The following WDR75 variants were observed in gnomAD, a reference collection of about 807,000 sequenced individuals.
The protein encoded by WDR75 is WD repeat-containing protein 75.
In WDR75, 52 loss-of-function variants were observed where a neutral mutation model predicts 106.1. That is an observed-to-expected ratio of 0.49 (90% CI 0.39 to 0.62). WDR75 has a LOEUF of 0.62. WDR75 is among the 20% of genes least tolerant of loss of function. The pLI is 0.00. For synonymous variants in WDR75, 333 were observed against 335.5 expected (o/e 0.99, Z 0.08); for missense variants, 905 against 970.3 (o/e 0.93, Z 0.89).
chr2:189,469,222 AGT>A, intron 15 of WDR75, 120 bp from the exon 16 acceptor site: 1 of 743,826 alleles, frequency 1.3e-6, no homozygotes, highest in Middle Eastern at 2.9e-4. Context: ...AAATCATTTC[AGT>A]GTGTCTCCAT....
At position 189,441,596 on chromosome 2, in the gene WDR75, C is replaced by T. The variant is rs1397735126; in HGVS notation, c.86+18C>T. 3 of 1,552,256 alleles carry T rather than the reference C, an allele frequency of 1.9e-6. No homozygotes were observed. The highest frequency in any genetic ancestry group is 2.6e-6 in the Non-Finnish European group (3 of 1,146,764). ...GATTCTAAGTATGAGGGGCACCGCGCTTTGTCGGCTGAGGGGCGGGGCGTG... is the reference window on the plus strand; with the variant it reads ...GATTCTAAGTATGAGGGGCACCGCGTTTTGTCGGCTGAGGGGCGGGGCGTG... On this transcript the variant is annotated intron_variant, in intron 1 of 20. Coordinates refer to ENST00000314761, the MANE Select transcript of WDR75 (RefSeq NM_032168.3).
At chr2:189,466,323 G>A (rs1311220979) in intron 12 of WDR75, 102 bp from the exon 13 acceptor site, 3 of 1,290,098 alleles carry the variant, frequency 2.3e-6, no homozygotes, top group South Asian at 1.3e-5. Context: ...TCAGTTGCCT[G>A]TTGTTCAAGA....
intron 18 of WDR75, among the ~76,000 whole-genome samples, chr2:189,471,546 T>C (rs1018445690): frequency 1.3e-5 from 2 of 152,238 alleles, no homozygotes; most frequent in East Asian, 1.9e-4. Context: ...CTTAGTTTTC[T>C]ATTCTCATGT....
chr2:189,457,218 G>A, intron 5 of WDR75, 93 bp from the exon 6 acceptor site: 2 of 830,746 alleles, frequency 2.4e-6, no homozygotes, highest in Admixed American at 2.6e-5. Flanking sequence ...TCCAGCCTGG[G>A]GGACAAGAGC....
At chr2:189,471,832 A>G (rs1036137862) in intron 18 of WDR75, among the ~76,000 whole-genome samples, 5 of 152,176 alleles carry the variant, frequency 3.3e-5, no homozygotes, top group African/African-American at 1.2e-4. Flanking sequence ...CTTTTAGTGC[A>G]TTGGAGGTCA....
At chr2:189,462,444 CA>C (rs1686909762) in intron 8 of WDR75, 39 bp from the exon 9 acceptor site, 2 of 1,587,366 alleles carry the variant, frequency 1.3e-6, no homozygotes, top group Non-Finnish European at 1.7e-6. Flanking sequence ...CTTTTTTCCT[CA>C]AAACACCATC....
chr2:189,458,838 G>T lies in WDR75; in HGVS notation c.655G>T (p.Ala219Ser), dbSNP rs776064216. The T allele has an allele frequency of 3.1e-6, 5 of 1,606,132 alleles. No individual in the cohort carries two copies. The African/African-American group carries it at 5.4e-5, about 17-fold the overall frequency. ...ATGTCACCCAACGGAAGACTGCATC[G>T]CATCTGGTCACATGGATGGCAAAAT... ...VACHPTEDCI[A>S]SGHMDGKIRL... Residue 219 changes from alanine (A) to serine (S), a missense_variant, in exon 7 of 21, where the codon GCA becomes TCA. Physicochemically the swap from Ala to Ser is moderately conservative, Grantham distance 99. Transcript: ENST00000314761.
intron 4 of WDR75, 116 bp downstream of exon 4, chr2:189,452,011 T>C (rs1686632812): frequency 1.4e-6 from 1 of 725,168 alleles, no homozygotes; most frequent in Admixed American, 2.7e-5. Flanking sequence ...GAATGGGCAT[T>C]TAAATTGCTT....
Position 189,462,601 on chromosome 2 carries a change from C to T in WDR75, c.896C>T (p.Ser299Leu), listed in dbSNP as rs765331984. Residue 299 changes from serine to leucine, a missense_variant, in exon 9 of 21, where the codon TCG becomes TTG. Ser to Leu is a moderately radical substitution (Grantham distance 145). Transcript: ENST00000314761. The stretch of plus-strand genomic sequence containing the variant: ...GCTACTATTGAACATATCTCAGTCT[C>T]GCCTGCAGGAGATTTATTCTGCACT... Reference protein sequence around the residue: ...LGATIEHISVSPAGDLFCTSH... With the variant: ...LGATIEHISVLPAGDLFCTSH... 2 of 1,613,874 alleles carry T rather than the reference C, an allele frequency of 1.2e-6. No individual in the cohort carries two copies. The highest frequency in any genetic ancestry group is 1.7e-6 in the Non-Finnish European group (2 of 1,179,930).
At chr2:189,460,342 T>C (rs1467694981) in intron 8 of WDR75, among the ~76,000 whole-genome samples, 1 of 152,132 alleles carries the variant, frequency 6.6e-6, no homozygotes, top group African/African-American at 2.4e-5. Context: ...CCCCAGGAAA[T>C]AGGAGACACC....
At chr2:189,474,090 C>A (rs1169791438) in intron 18 of WDR75, 96 bp from the exon 19 acceptor site, 6 of 1,325,928 alleles carry the variant, frequency 4.5e-6, no homozygotes, top group African/African-American at 1.5e-5. Context: ...TTCCTTTCAT[C>A]CCAGACTTTT....
rs1687168685 is a variant in WDR75, at chr2:189,474,251, G to T, written c.2115G>T (p.Gln705His). 2 of 1,613,946 alleles carry T rather than the reference G, an allele frequency of 1.2e-6. No homozygotes were observed. The highest frequency in any genetic ancestry group is 8.5e-7 in the Non-Finnish European group (1 of 1,179,886). Residue 705 changes from glutamine (Q) to histidine (H), a missense_variant, in exon 19 of 21, where the codon CAG (glutamine) becomes CAT (histidine). By Grantham distance (24) the Gln-to-His change is conservative. Transcript: ENST00000314761. ...FYFILGKHRQ[Q>H]QDEKLNETLE... ...TCATATTGGGAAAACACAGGCAACA[G>T]CAGGATGAAAAACTAAACGAAACTT...
chr2:189,442,667 C>G (rs955344598), intron 1 of WDR75, among the ~76,000 whole-genome samples: 1 of 151,972 alleles, frequency 6.6e-6, no homozygotes, highest in Non-Finnish European at 1.5e-5. Flanking sequence ...CCAGGCTGCC[C>G]TGGAACTCCT....
intron 8 of WDR75, among the ~76,000 whole-genome samples, chr2:189,462,004 A>C (rs1050865374): frequency 2.0e-5 from 3 of 152,128 alleles, no homozygotes; most frequent in Non-Finnish European, 4.4e-5. Flanking sequence ...TTGTTCTGTA[A>C]GTGGGGTTAC....
At chr2:189,464,520 T>G (rs1686962526) in intron 11 of WDR75, among the ~76,000 whole-genome samples, 2 of 152,166 alleles carry the variant, frequency 1.3e-5, no homozygotes, top group Non-Finnish European at 2.9e-5. Flanking sequence ...TTAATCATTT[T>G]ATGCTTATCT....
At chr2:189,466,791 T>C (rs1687010726) in intron 13 of WDR75, among the ~76,000 whole-genome samples, 1 of 152,158 alleles carries the variant, frequency 6.6e-6, no homozygotes, top group South Asian at 2.1e-4. Context: ...TGATTAATCA[T>C]GTGCTGATTA....
chr2:189,463,638 G>A (rs1686943618), intron 9 of WDR75, 56 bp from the exon 10 acceptor site: 14 of 1,577,276 alleles, frequency 8.9e-6, no homozygotes, highest in African/African-American at 1.4e-5. Context: ...GCCACAGGTT[G>A]GACAAGCTTT....
At chr2:189,452,033 G>A (rs980491450) in intron 4 of WDR75, 138 bp downstream of exon 4, 17 of 625,934 alleles carry the variant, frequency 2.7e-5, no homozygotes, top group African/African-American at 1.7e-4. Context: ...TGTCATTATT[G>A]TGCTCATTTG....
intron 2 of WDR75, chr2:189,450,142 A>G (rs989875752): frequency 3.4e-5 from 33 of 962,884 alleles, no homozygotes; most frequent in Non-Finnish European, 4.0e-5. Context: ...TTGCCTCAGC[A>G]TCCAAGCATA....
Sources: allele counts gnomAD v4.1 joint callset (sites outside exome capture counted in the v4.1 genomes callset), GRCh38; gene constraint gnomAD v4.1.1; transcripts MANE v1.5; gene names NCBI Gene and HGNC (gene_info 2026-07-23, HGNC 2026-07-21).